The following PYGL variants were observed in gnomAD, a reference collection of about 807,000 sequenced individuals.
PYGL encodes the protein glycogen phosphorylase, liver form.
Under a neutral mutation model 100.1 loss-of-function variants are expected in PYGL, and 90 were observed. The observed-to-expected ratio is 0.90, with a 90% CI of 0.76 to 1.07. The LOEUF (loss-of-function observed/expected upper bound fraction) is 1.07, where lower values mean the gene tolerates loss of function less well. Ranked by LOEUF, PYGL falls within the 50% of genes least tolerant of loss-of-function variation. The pLI is 0.00. For synonymous variants in PYGL, 373 were observed against 393.0 expected (o/e 0.95, Z 0.60); for missense variants, 1,016 against 1,057.6 (o/e 0.96, Z 0.55).
At chr14:50,927,222 A>G (rs1266424939) in intron 4 of PYGL, among the ~76,000 whole-genome samples, 1 of 151,818 alleles carries the variant, frequency 6.6e-6, no homozygotes, top group Non-Finnish European at 1.5e-5. Context: ...TACTCTTTTT[A>G]TTTTTATTTT....
At chr14:50,937,646 A>T (rs569996960) in intron 2 of PYGL, 90 bp downstream of exon 2, 2 of 1,271,798 alleles carry the variant, frequency 1.6e-6, no homozygotes, top group Non-Finnish European at 2.3e-6. Flanking sequence ...CTCTTATTTT[A>T]CTTTATTTTT....
At position 50,916,742 on chromosome 14, in the gene PYGL, G is replaced by C. The variant is rs1246672480; in HGVS notation, c.1000-8C>G. 1 of 1,611,698 alleles carries C rather than the reference G, an allele frequency of 6.2e-7. No homozygotes were observed. The highest frequency in any genetic ancestry group is 1.7e-5 in the Admixed American group (1 of 60,014). On this transcript the variant is annotated splice_polypyrimidine_tract_variant and splice_region_variant and intron_variant, in intron 8 of 19. Coordinates refer to ENST00000216392, the MANE Select transcript of PYGL (RefSeq NM_002863.5). ...ATTCAGCTGGATGGCCACCTGGGTG[G>C]GGAAAGACATCAACATGAAGGCAAC... is the stretch of plus-strand genomic sequence containing the variant.
intron 3 of PYGL, among the ~76,000 whole-genome samples, chr14:50,934,800 G>A (rs79891425): frequency 9.5e-4 from 145 of 152,250 alleles, no homozygotes; most frequent in African/African-American, 3.2e-3. Context: ...CTGGGGTAGT[G>A]ATCAAAGGGG....
chr14:50,926,599 A>G (rs11846857), intron 4 of PYGL, among the ~76,000 whole-genome samples: 44,718 of 150,482 alleles, frequency 0.3, 7,219 homozygotes, highest in East Asian at 0.53. Flanking sequence ...GGTGGCGGGC[A>G]CCTGTAATCC....
chr14:50,912,127 G>A, intron 14 of PYGL, 29 bp downstream of exon 14: 2 of 1,614,220 alleles, frequency 1.2e-6, no homozygotes, highest in Admixed American at 3.3e-5. Flanking sequence ...CACCTGCAAG[G>A]GGGCTTGTTG....
At position 50,935,124 on chromosome 14, in the gene PYGL, C is replaced by A; in HGVS notation, c.407G>T (p.Gly136Val). Reference protein sequence around the residue: ...IEEDAGLGNGGLGRLAACFLD... With the variant: ...IEEDAGLGNGVLGRLAACFLD... ...TCACTTACCAGCAAGTCTCCCAAGACCACCATTGCCAAGTCCAGCATCTTC... is the reference window on the plus strand; with the variant it reads ...TCACTTACCAGCAAGTCTCCCAAGAACACCATTGCCAAGTCCAGCATCTTC... The change falls in exon 3 of 20, where the codon GGT (glycine) becomes GTT (valine). Residue 136 changes from glycine (G) to valine (V), a missense_variant. Gly to Val is a moderately radical substitution (Grantham distance 109). Transcript: ENST00000216392. 2.5e-6 allele frequency: 4 copies of A among 1,611,934 alleles called. No individual in the cohort carries two copies. The highest frequency in any genetic ancestry group is 3.4e-6 in the Non-Finnish European group (4 of 1,177,954).
At chr14:50,910,127 A>C (rs773977443) in intron 16 of PYGL, 25 bp from the exon 17 acceptor site, 28 of 1,596,986 alleles carry the variant, frequency 1.8e-5, no homozygotes, top group Middle Eastern at 3.3e-4. Context: ...AGTTAAAATT[A>C]GTAATTTTGT....
At chr14:50,908,099 AG>A in intron 19 of PYGL, 171 bp downstream of exon 19, 1 of 543,164 alleles carries the variant, frequency 1.8e-6, no homozygotes, top group South Asian at 2.4e-5. Context: ...GGAAAAGACA[AG>A]GTTTTTTTTT....
At chr14:50,921,146 C>T (rs1596040702) in intron 5 of PYGL, 79 bp from the exon 6 acceptor site, 1 of 1,115,744 alleles carries the variant, frequency 9.0e-7, no homozygotes, top group African/African-American at 1.5e-5. Flanking sequence ...TGGGAGACTG[C>T]AATGGAATTC....
intron 2 of PYGL, among the ~76,000 whole-genome samples, chr14:50,935,817 G>T (rs1056955135): frequency 6.6e-6 from 1 of 152,220 alleles, no homozygotes; most frequent in African/African-American, 2.4e-5. Context: ...CCAGTTAGTG[G>T]GTTACTGCCC....
At chr14:50,910,851 A>C (rs775327709) in intron 16 of PYGL, among the ~76,000 whole-genome samples, 3 of 152,162 alleles carry the variant, frequency 2.0e-5, no homozygotes, top group Non-Finnish European at 4.4e-5. Context: ...CTAGCCTCTG[A>C]CCTTTCAGGC....
In PYGL at chr14:50,944,167, G is replaced by A. The variant is rs2139206064; in HGVS notation, c.237C>T (p.Cys79=). Residue 79 remains cysteine, a synonymous_variant, in exon 1 of 20, where the codon TGC becomes TGT. Transcript: ENST00000216392. ...IRTQQHYYDK[C]PKRVYYLSLE... ...CCGTCCCGCCCCCGGTTACCTTGGG[G>A]CACTTGTCGTAGTAGTGCTGCTGCG... is the stretch of plus-strand genomic sequence containing the variant. 2 of 1,605,196 alleles carry A rather than the reference G, an allele frequency of 1.2e-6. No individual in the cohort carries two copies. Among genetic ancestry groups the A allele is most frequent in the East Asian group, 2.2e-5 (1 of 44,748 alleles).
rs187790653 is a variant in PYGL, at chr14:50,937,148, A to T, written c.345+588T>A. The stretch of plus-strand genomic sequence containing the variant: ...AACCACATCAAAAAGGTTAAGGGCT[A>T]CCTGTTTTGGGTATGAAGGTGCCTG... On this transcript the variant is annotated intron_variant, in intron 2 of 19. Transcript: ENST00000216392. Among the ~76,000 whole-genome samples the T allele has an allele frequency of 2.0e-5, 3 of 152,330 alleles. No homozygotes were observed. The East Asian group carries it at 5.8e-4, about 29-fold the overall frequency.
rs2050500012 is a variant in PYGL, at chr14:50,921,344, GAT to G, written c.661-279_661-278del. The G allele has an allele frequency of 1.2e-5, 5 of 414,734 alleles. No homozygotes were observed. In the South Asian group the frequency reaches 1.6e-4, roughly 13 times the overall value. The allele number at this position is 414,734 out of a possible 1,614,324, so 25.7% of individuals were successfully genotyped here. Reference sequence around the variant, plus strand: ...TTGACTCTCCATGTGCCCTTGCCCTGATATAAATGCAGTGGAATGGAATGATA... The same window carrying G: ...TTGACTCTCCATGTGCCCTTGCCCTGATAAATGCAGTGGAATGGAATGATA... On this transcript the variant is annotated intron_variant, in intron 5 of 19. Transcript: ENST00000216392.
rs1474966585 is a variant in PYGL at position 50,937,725 on chromosome 14, GA to G, written c.345+10del. ...AAGAGACAGGATGAGAGAAATCTAG[GA>G]ACAATGTACCTGGTAAATGGCCTCA... On this transcript the variant is annotated intron_variant, in intron 2 of 19. Transcript: ENST00000216392. 13 of 1,602,468 alleles carry G rather than the reference GA, an allele frequency of 8.1e-6. No homozygotes were observed. Among genetic ancestry groups the G allele is most frequent in the Non-Finnish European group, 1.1e-5 (13 of 1,169,540 alleles).
At position 50,938,139 on chromosome 14, in the gene PYGL, AG is replaced by A. The variant is rs542353411; in HGVS notation, c.244-303del. Among the ~76,000 whole-genome samples, 235 of 152,360 alleles carry A rather than the reference AG, an allele frequency of 1.5e-3. 2 individuals are homozygous for A. Among genetic ancestry groups the A allele is most frequent in the African/African-American group, 5.3e-3 (219 of 41,586 alleles). ...AGGTCACAGAAACCTTGCTGATAAAAGGTTTTCTTTGCCTCCTTTTTAATGA... is the reference window on the plus strand; with the variant it reads ...AGGTCACAGAAACCTTGCTGATAAAAGTTTTCTTTGCCTCCTTTTTAATGA... On this transcript the variant is annotated intron_variant, in intron 1 of 19. Transcript: ENST00000216392.
intron 11 of PYGL, 46 bp from the exon 12 acceptor site, chr14:50,914,861 A>G: frequency 7.1e-7 from 1 of 1,408,170 alleles, no homozygotes; most frequent in Non-Finnish European, 1.0e-6. Flanking sequence ...GAAACGGCAA[A>G]GGGTCCTGCA....
At chr14:50,940,837 A>C (rs1386492792) in intron 1 of PYGL, among the ~76,000 whole-genome samples, 1 of 152,248 alleles carries the variant, frequency 6.6e-6, no homozygotes, top group African/African-American at 2.4e-5. Context: ...TATCCCCAGC[A>C]TTAGTCAGAG....
chr14:50,910,098 A>C lies in PYGL; in HGVS notation c.1974T>G (p.Ile658Met). Reference protein sequence around the residue: ...NYRVSLAEKVIPATDLSEQIS... With the variant: ...NYRVSLAEKVMPATDLSEQIS... Reference sequence around the variant, plus strand: ...TCTGCTCTGACAGATCTGTGGCTGGAATGACTGCAAGAAAGGTAAGTTAAA... The same window carrying C: ...TCTGCTCTGACAGATCTGTGGCTGGCATGACTGCAAGAAAGGTAAGTTAAA... Residue 658 changes from isoleucine (I) to methionine (M), a missense_variant, in exon 17 of 20, where the codon ATT (isoleucine) becomes ATG (methionine). By Grantham distance (10) the Ile-to-Met change is conservative. Coordinates refer to ENST00000216392, the MANE Select transcript of PYGL (RefSeq NM_002863.5). The C allele has an allele frequency of 6.2e-7, 1 of 1,613,336 alleles. No homozygotes were observed.
Sources: gnomAD v4.1 joint callset for allele counts (sites outside exome capture counted in the v4.1 genomes callset) on GRCh38, gnomAD v4.1.1 for gene constraint, MANE v1.5 for transcripts, NCBI Gene and HGNC (gene_info 2026-07-23, HGNC 2026-07-21) for gene names.